Variants in ANLN observed in about 807,000 individuals in gnomAD.
ANLN encodes anillin, actin binding protein.
In ANLN, 59 loss-of-function variants were observed where a neutral mutation model predicts 135.1. The observed-to-expected ratio is 0.44, with a 90% CI of 0.35 to 0.54. The LOEUF is 0.54. ANLN is among the 20% of genes least tolerant of loss of function. The pLI, the probability that ANLN is intolerant of heterozygous loss-of-function variation, is 0.00. For missense variants in ANLN, 1,182 were observed against 1,340.0 expected (o/e 0.88, Z 1.84); for synonymous variants, 406 against 456.4 (o/e 0.89, Z 1.41).
rs765349411 is a variant in ANLN at position 36,407,770 on chromosome 7, A to G, written c.910A>G (p.Thr304Ala). Residue 304 changes from threonine (T) to alanine (A), a missense_variant, in exon 5 of 24, where the codon ACT becomes GCT. Thr to Ala is a moderately conservative substitution (Grantham distance 58). Transcript: ENST00000265748. ...TSPVKSTTSI[T>A]DAKSCEGQNP... The stretch of plus-strand genomic sequence containing the variant: ...TCCAGTGAAATCTACTACATCTATC[A>G]CTGATGCTAAAAGTTGTGAGGGACA... 4 of 1,613,718 alleles carry G rather than the reference A, an allele frequency of 2.5e-6. No individual in the cohort carries two copies. Among genetic ancestry groups the G allele is most frequent in the Non-Finnish European group, 3.4e-6 (4 of 1,179,734 alleles).
intron 20 of ANLN, among the ~76,000 whole-genome samples, chr7:36,430,570 T>C (rs1318368087): frequency 2.0e-5 from 3 of 152,224 alleles, no homozygotes; most frequent in Admixed American, 6.5e-5. Context: ...AGGAACCTCA[T>C]AGGTATTTAT....
At chr7:36,436,051 G>T (rs1038283191) in intron 20 of ANLN, among the ~76,000 whole-genome samples, 7 of 151,724 alleles carry the variant, frequency 4.6e-5, no homozygotes, top group African/African-American at 1.7e-4. Context: ...AAATACCTCT[G>T]TCTAATTCGA....
At chr7:36,416,144 C>T (rs1787631935) in intron 8 of ANLN, among the ~76,000 whole-genome samples, 1 of 152,108 alleles carries the variant, frequency 6.6e-6, no homozygotes, top group Admixed American at 6.5e-5. Context: ...CCTCAGCCTC[C>T]CGAGTAGCTG....
chr7:36,446,836 G>C (rs1486002637), intron 22 of ANLN, among the ~76,000 whole-genome samples: 1 of 152,070 alleles, frequency 6.6e-6, no homozygotes, highest in Non-Finnish European at 1.5e-5. Context: ...TATATGTGTA[G>C]GTTTATTTTT....
rs184843068 is a variant in ANLN, at chr7:36,412,349, A to G, written c.1395+1183A>G. Among the ~76,000 whole-genome samples, 260 of 116,460 alleles carry G rather than the reference A, an allele frequency of 2.2e-3. 9 individuals carry two copies. The East Asian group carries it at 0.054, about 24-fold the overall frequency. The allele number at this position is 116,460 out of a possible 152,430, so 76.4% of individuals were successfully genotyped here. On this transcript the variant is annotated intron_variant, in intron 7 of 23. Transcript: ENST00000265748. ...TATATTTTTTTTTTTTTTTTTTGAC[A>G]TGGAGTTTCACTCTTATTGCCCAGG...
At chr7:36,439,740 C>T (rs1394776747) in intron 21 of ANLN, among the ~76,000 whole-genome samples, 15 of 152,062 alleles carry the variant, frequency 9.9e-5, no homozygotes, top group Admixed American at 9.8e-4. Flanking sequence ...TCACTCCTAC[C>T]CAAAGAAAAG....
chr7:36,438,669 G>T (rs1215386610), intron 20 of ANLN, among the ~76,000 whole-genome samples: 1 of 152,202 alleles, frequency 6.6e-6, no homozygotes, highest in Non-Finnish European at 1.5e-5. Flanking sequence ...ACCATGTCCA[G>T]CCAGCCCACA....
intron 22 of ANLN, among the ~76,000 whole-genome samples, chr7:36,444,320 GT>G (rs1405645533): frequency 2.8e-4 from 39 of 137,100 alleles, no homozygotes; most frequent in African/African-American, 1.1e-3. Context: ...TTTGTTGTAG[GT>G]GTGTGTGTGT....
chr7:36,431,597 GTATATATATATATATATATAATATATA>G (rs1222360044), intron 20 of ANLN, among the ~76,000 whole-genome samples: 1 of 27,440 alleles, frequency 3.6e-5, no homozygotes, highest in African/African-American at 8.4e-5. Context: ...GTGTGTGTGT[GTATATATATATATATATATAATATATA>G]TATATATATT....
intron 22 of ANLN, among the ~76,000 whole-genome samples, chr7:36,448,305 G>A (rs759040504): frequency 1.3e-5 from 2 of 152,188 alleles, no homozygotes; most frequent in African/African-American, 2.4e-5. Context: ...ATGAGTCACT[G>A]CACCCAGCCC....
intron 1 of ANLN, among the ~76,000 whole-genome samples, chr7:36,393,033 T>G (rs906901378): frequency 4.5e-5 from 5 of 111,754 alleles, no homozygotes; most frequent in African/African-American, 1.6e-4. Context: ...TCTTTTTTCG[T>G]TTTTTTTTTT....
rs116442026 is a variant in ANLN at position 36,446,797 on chromosome 7, G to A, written c.3079-2868G>A. 2.4e-3 allele frequency among the ~76,000 whole-genome samples: 367 copies of A among 152,234 alleles called. 2 individuals carry two copies. The highest frequency in any genetic ancestry group is 8.6e-3 in the African/African-American group (357 of 41,534). On this transcript the variant is annotated intron_variant, in intron 22 of 23. Transcript: ENST00000265748. ...ACTGTATCATTCACTGATCCACAAT[G>A]CCATTTCTCATGTGTATCAAGATGT...
chr7:36,442,038 A>G (rs1261948634), intron 21 of ANLN, among the ~76,000 whole-genome samples: 1 of 152,118 alleles, frequency 6.6e-6, no homozygotes, highest in Non-Finnish European at 1.5e-5. Flanking sequence ...GCTTGGTAAC[A>G]TTTGCTCCCA....
chr7:36,435,734 G>A (rs895455083), intron 20 of ANLN, among the ~76,000 whole-genome samples: 9 of 150,596 alleles, frequency 6.0e-5, no homozygotes, highest in Admixed American at 1.3e-4. Context: ...TTAGCCGGGC[G>A]TGGTAGCGGG....
intron 1 of ANLN, among the ~76,000 whole-genome samples, chr7:36,392,511 T>TA (rs1786519651): frequency 2.0e-5 from 1 of 50,890 alleles, no homozygotes. Flanking sequence ...GTTATTGCAG[T>TA]GGTTTTTTTT....
At chr7:36,428,745 G>C (rs1226389236) in intron 20 of ANLN, among the ~76,000 whole-genome samples, 2 of 146,596 alleles carry the variant, frequency 1.4e-5, no homozygotes, top group African/African-American at 5.0e-5. Flanking sequence ...TATACTGGAA[G>C]AGCTATTGGT....
intron 3 of ANLN, among the ~76,000 whole-genome samples, chr7:36,399,720 T>C (rs1279843443): frequency 6.6e-6 from 1 of 152,116 alleles, no homozygotes. Context: ...GTTAAAGAAA[T>C]CCTATTTCAT....
chr7:36,419,173 A>T, intron 9 of ANLN, 71 bp from the exon 10 acceptor site: 1 of 1,133,182 alleles, frequency 8.8e-7, no homozygotes, highest in African/African-American at 1.6e-5. Flanking sequence ...ATGAATATTA[A>T]ATTTTCTTTG....
chr7:36,420,877 C>T, intron 12 of ANLN, 133 bp downstream of exon 12: 1 of 765,856 alleles, frequency 1.3e-6, no homozygotes, highest in African/African-American at 1.7e-5. Context: ...CATAGAAGCT[C>T]AGTAAATCAC....
Sources: gnomAD v4.1 joint callset for allele counts (sites outside exome capture counted in the v4.1 genomes callset) on GRCh38, gnomAD v4.1.1 for gene constraint, MANE v1.5 for transcripts, NCBI Gene and HGNC (gene_info 2026-07-23, HGNC 2026-07-21) for gene names.